SLC5A5: variants seen among roughly 807,000 people sequenced by gnomAD.
SLC5A5 encodes sodium/iodide cotransporter.
Under a neutral mutation model 68.6 loss-of-function variants are expected in SLC5A5, and 56 were observed. The observed-to-expected ratio is 0.82, with a 90% CI of 0.66 to 1.02. SLC5A5 has a LOEUF of 1.02. Ranked by LOEUF, SLC5A5 falls within the 50% of genes least tolerant of loss-of-function variation. The pLI is 0.00. For synonymous variants in SLC5A5, 398 were observed against 373.0 expected, an observed-to-expected ratio of 1.07 and a Z score of -0.77; for missense variants, 807 against 859.8, an observed-to-expected ratio of 0.94 and a Z score of 0.77.
chr19:17,883,039 C>G (rs145814486), intron 10 of SLC5A5, among the ~76,000 whole-genome samples: 29 of 152,098 alleles, frequency 1.9e-4, no homozygotes, highest in African/African-American at 6.5e-4. Context: ...AGTCTGGTCT[C>G]GAACTCCTGA....
chr19:17,877,752 C>T lies in SLC5A5; in HGVS notation c.728C>T (p.Thr243Ile). ...AACCCTGACCCGAGGAGCCGCTATA[C>T]ATTCTGGACTTTTGTGGTGGGTGGC... ...DFNPDPRSRY[T>I]FWTFVVGGTL... The change falls in exon 6 of 15, where the codon ACA becomes ATA. Residue 243 changes from threonine to isoleucine, a missense_variant. Coordinates refer to ENST00000222248, the MANE Select transcript of SLC5A5 (RefSeq NM_000453.3). The T allele has an allele frequency of 1.9e-6, 3 of 1,614,224 alleles. No individual in the cohort carries two copies. The highest frequency in any genetic ancestry group is 1.7e-6 in the Non-Finnish European group (2 of 1,180,040).
At chr19:17,884,225 C>T (rs1031609874) in intron 12 of SLC5A5, among the ~76,000 whole-genome samples, 179 bp downstream of exon 12, 2 of 152,158 alleles carry the variant, frequency 1.3e-5, no homozygotes, top group East Asian at 1.9e-4. Context: ...TCCAACTGCA[C>T]TGAGGTTAGG....
At chr19:17,877,223 G>C (rs2094309602) in intron 5 of SLC5A5, among the ~76,000 whole-genome samples, 1 of 152,090 alleles carries the variant, frequency 6.6e-6, no homozygotes, top group Non-Finnish European at 1.5e-5. Flanking sequence ...AGATGATTCA[G>C]TAAACAAATA....
Position 17,874,689 on chromosome 19 carries a change from G to A in SLC5A5, c.501G>A (p.Ser167=), listed in dbSNP as rs1016965873. ...TGACCGGGCTGGACATCTGGGCGTC[G>A]CTCCTGTCCACCGGAATTATCTGCA... ...NQVTGLDIWA[S]LLSTGIICTF... is the part of the protein sequence containing the mutation. Residue 167 remains serine (S), a synonymous_variant, in exon 4 of 15, where the codon TCG becomes TCA. Transcript: ENST00000222248. 5.0e-6 allele frequency: 8 copies of A among 1,613,986 alleles called. No individual in the cohort carries two copies. The highest frequency in any genetic ancestry group is 1.1e-5 in the South Asian group (1 of 91,080).
At position 17,872,364 on chromosome 19, in the gene SLC5A5, G is replaced by C. The variant is rs777782636; in HGVS notation, c.45G>C (p.Trp15Cys). 2.5e-6 allele frequency: 4 copies of C among 1,592,872 alleles called. No individual in the cohort carries two copies. The African/African-American group carries it at 4.0e-5, about 16-fold the overall frequency. Reference protein sequence around the residue: ...ETGERPTFGAWDYGVFALMLL... With the variant: ...ETGERPTFGACDYGVFALMLL... ...GGGAACGGCCCACCTTCGGAGCCTGGGACTACGGGGTCTTTGCCCTCATGC... is the reference window on the plus strand; with the variant it reads ...GGGAACGGCCCACCTTCGGAGCCTGCGACTACGGGGTCTTTGCCCTCATGC... The change falls in exon 1 of 15, where the codon TGG becomes TGC. Residue 15 changes from tryptophan to cysteine, a missense_variant. Trp to Cys is a radical substitution (Grantham distance 215). Transcript: ENST00000222248.
At chr19:17,883,579 C>A (rs1599924910) in intron 10 of SLC5A5, 102 bp from the exon 11 acceptor site, 8 of 937,786 alleles carry the variant, frequency 8.5e-6, no homozygotes, top group East Asian at 7.2e-5. Flanking sequence ...TCCTTGAGAC[C>A]CACATTGGAG....
chr19:17,874,117 A>G, intron 1 of SLC5A5, 21 bp from the exon 2 acceptor site: 1 of 1,586,630 alleles, frequency 6.3e-7, no homozygotes, highest in Middle Eastern at 1.7e-4. Context: ...TGTCCAGGTG[A>G]CCTCGAGTCC....
At position 17,883,669 on chromosome 19, in the gene SLC5A5, C is replaced by G; in HGVS notation, c.1243-12C>G. ...GCTCCGCCCTCAGCCCCACTTCCACCTACTCTCCCAGGGCTCCTTCACCGT... is the reference window on the plus strand; with the variant it reads ...GCTCCGCCCTCAGCCCCACTTCCACGTACTCTCCCAGGGCTCCTTCACCGT... On this transcript the variant is annotated splice_polypyrimidine_tract_variant and intron_variant, in intron 10 of 14. Coordinates refer to ENST00000222248, the MANE Select transcript of SLC5A5 (RefSeq NM_000453.3). 1 of 1,611,060 alleles carries G rather than the reference C, an allele frequency of 6.2e-7. No homozygotes were observed. The highest frequency in any genetic ancestry group is 8.5e-7 in the Non-Finnish European group (1 of 1,177,762).
rs60457185 is a variant in SLC5A5 at position 17,876,426 on chromosome 19, C to CAAA, written c.698+335_698+337dup. ...TGGATGACAGAGCTAGACCCTGTCT[C>CAAA]AAAAAAAAAAAAAAAAAGAGGCTGG... On this transcript the variant is annotated intron_variant, in intron 5 of 14. Coordinates refer to ENST00000222248, the MANE Select transcript of SLC5A5 (RefSeq NM_000453.3). Among the ~76,000 whole-genome samples the CAAA allele has an allele frequency of 7.4e-3, 651 of 87,388 alleles. 7 individuals are homozygous for CAAA. The highest frequency in any genetic ancestry group is 0.023 in the African/African-American group (553 of 23,784). 57.3% of individuals were successfully genotyped at this position (87,388 alleles called of 152,430 possible). A position where few individuals can be genotyped will look rare whatever the true frequency, so the allele number is the denominator to read the frequency against.
chr19:17,893,844 T>C lies in SLC5A5; in HGVS notation c.1899T>C (p.Asp633=). 3 of 1,584,512 alleles carry C rather than the reference T, an allele frequency of 1.9e-6. No homozygotes were observed. The highest frequency in any genetic ancestry group is 2.6e-6 in the Non-Finnish European group (3 of 1,163,346). The change falls in exon 15 of 15, where the codon GAT becomes GAC. Residue 633 remains aspartate (D), a synonymous_variant. Transcript: ENST00000222248. ...CTTGGACCCCCTGTGTTGGACATGA[T>C]GGTGGTCGAGACCAGCAGGAGACAA... is the stretch of plus-strand genomic sequence containing the variant. The part of the protein sequence containing the change: ...AGSWTPCVGH[D]GGRDQQETNL
At chr19:17,888,843 A>G (rs962439250) in intron 13 of SLC5A5, among the ~76,000 whole-genome samples, 2 of 150,068 alleles carry the variant, frequency 1.3e-5, no homozygotes, top group African/African-American at 2.4e-5. Context: ...TGTGTCTCGA[A>G]CTCCTGGGCT....
At chr19:17,891,462 C>CCT (rs2030167987) in intron 14 of SLC5A5, among the ~76,000 whole-genome samples, 5 of 152,070 alleles carry the variant, frequency 3.3e-5, no homozygotes, top group Admixed American at 3.3e-4. Context: ...CACCTTAGAC[C>CCT]CCCAAAGTGC....
chr19:17,886,818 T>A (rs974031570), intron 12 of SLC5A5, among the ~76,000 whole-genome samples: 2 of 152,212 alleles, frequency 1.3e-5, no homozygotes, highest in African/African-American at 4.8e-5. Flanking sequence ...TTTCTTTTCA[T>A]TGGCCATTTG....
rs1478223889 is a variant in SLC5A5 at position 17,883,715 on chromosome 19, C to T, written c.1277C>T (p.Pro426Leu). The change falls in exon 11 of 15, where the codon CCC (proline) becomes CTC (leucine). Residue 426 changes from proline to leucine, a missense_variant. Coordinates refer to ENST00000222248, the MANE Select transcript of SLC5A5 (RefSeq NM_000453.3). ...SFTVMGVISG[P>L]LLGAFILGMF... ...ACCGTCATGGGAGTCATCAGCGGCC[C>T]CCTGCTGGGAGCCTTCATCTTGGGA... is the stretch of plus-strand genomic sequence containing the variant. The T allele has an allele frequency of 2.5e-6, 4 of 1,613,750 alleles. No individual in the cohort carries two copies. In the Admixed American group the frequency reaches 6.7e-5, roughly 27 times the overall value.
In SLC5A5 at chr19:17,893,852, G is replaced by T; in HGVS notation, c.1907G>T (p.Arg636Leu). The T allele has an allele frequency of 6.3e-7, 1 of 1,576,086 alleles. No individual in the cohort carries two copies. The highest frequency in any genetic ancestry group is 1.4e-5 in the African/African-American group (1 of 73,824). The part of the protein sequence containing the change: ...WTPCVGHDGG[R>L]DQQETNL ...CCCTGTGTTGGACATGATGGTGGTC[G>T]AGACCAGCAGGAGACAAACCTCTGA... The change falls in exon 15 of 15, where the codon CGA becomes CTA. Residue 636 changes from arginine to leucine, a missense_variant. Arg to Leu is a moderately radical substitution (Grantham distance 102). Coordinates refer to ENST00000222248, the MANE Select transcript of SLC5A5 (RefSeq NM_000453.3).
intron 10 of SLC5A5, among the ~76,000 whole-genome samples, chr19:17,882,427 C>G (rs893080832): frequency 1.3e-5 from 2 of 151,974 alleles, no homozygotes; most frequent in African/African-American, 4.8e-5. Context: ...CCTCCAGCTC[C>G]TGGGTTCAAG....
rs202197141 is a variant in SLC5A5, at chr19:17,880,832, C to T, written c.970-33C>T. On this transcript the variant is annotated intron_variant, in intron 7 of 14. Coordinates refer to ENST00000222248, the MANE Select transcript of SLC5A5 (RefSeq NM_000453.3). ...AGATGCCCCGGTCCTCGGGGTGCAG[C>T]TGTCTGGGAGGCTGACCCCCAGTTC... 34 of 1,532,828 alleles carry T rather than the reference C, an allele frequency of 2.2e-5. No homozygotes were observed. The African/African-American group carries it at 4.5e-4, about 20-fold the overall frequency. The allele number at this position is 1,532,828 out of a possible 1,614,324, so 95.0% of individuals were successfully genotyped here.
chr19:17,882,143 C>T lies in SLC5A5; in HGVS notation c.1172-6C>T, dbSNP rs760944975. 1 of 1,614,068 alleles carries T rather than the reference C, an allele frequency of 6.2e-7. No individual in the cohort carries two copies. Among genetic ancestry groups the T allele is most frequent in the East Asian group, 2.2e-5 (1 of 44,874 alleles). Reference sequence around the variant, plus strand: ...CCGTTGACCGTGCCATCCTCATCCACTACAGCACTCATCTACGGATCGGCC... The same window carrying T: ...CCGTTGACCGTGCCATCCTCATCCATTACAGCACTCATCTACGGATCGGCC... On this transcript the variant is annotated splice_region_variant and splice_polypyrimidine_tract_variant and intron_variant, in intron 9 of 14. Coordinates refer to ENST00000222248, the MANE Select transcript of SLC5A5 (RefSeq NM_000453.3).
chr19:17,887,261 C>T (rs2029954140), intron 12 of SLC5A5, among the ~76,000 whole-genome samples: 1 of 152,140 alleles, frequency 6.6e-6, no homozygotes, highest in South Asian at 2.1e-4. Context: ...TCTTCATTCT[C>T]TCGATAGAAT....
Sources: allele counts gnomAD v4.1 joint callset (sites outside exome capture counted in the v4.1 genomes callset), GRCh38; gene constraint gnomAD v4.1.1; transcripts MANE v1.5; gene names NCBI Gene and HGNC (gene_info 2026-07-23, HGNC 2026-07-21).